The following KDM7A variants were observed in gnomAD, a reference collection of about 807,000 sequenced individuals.
The protein encoded by KDM7A is lysine-specific demethylase 7A.
A neutral mutation model predicts 114.8 loss-of-function variants in KDM7A; 28 were observed. The ratio of observed to expected loss-of-function variants is 0.24; its 90% CI spans 0.18 to 0.33. KDM7A has a LOEUF of 0.33. KDM7A is among the 10% of genes least tolerant of loss of function. The pLI, the probability that KDM7A is intolerant of heterozygous loss-of-function variation, is 1.00. For missense variants in KDM7A, 942 were observed against 1,142.5 expected (o/e 0.82, Z 2.53); for synonymous variants, 423 against 397.8 (o/e 1.06, Z -0.75).
chr7:140,157,426 G>A (rs947015141), intron 1 of KDM7A, among the ~76,000 whole-genome samples: 46 of 152,238 alleles, frequency 3.0e-4, no homozygotes, highest in African/African-American at 1.0e-3. Context: ...GCCGAGGTGG[G>A]AGGGTCGCCT....
At position 140,106,136 on chromosome 7, in the gene KDM7A, T is replaced by TCC. The variant is rs1818335041; in HGVS notation, c.1429-3978_1429-3977dup. Among the ~76,000 whole-genome samples, 3 of 152,228 alleles carry TCC rather than the reference T, an allele frequency of 2.0e-5. No individual in the cohort carries two copies. In the South Asian group the frequency reaches 6.2e-4, roughly 31 times the overall value. The stretch of plus-strand genomic sequence containing the variant: ...TATTTCTGTGGGATCGGTGGTGATA[T>TCC]CCCCTTTATCATTTTTTATTGCATC... On this transcript the variant is annotated intron_variant, in intron 11 of 19. Coordinates refer to ENST00000397560, the MANE Select transcript of KDM7A (RefSeq NM_030647.2).
At chr7:140,125,334 T>C (rs1818681763) in intron 6 of KDM7A, among the ~76,000 whole-genome samples, 1 of 152,218 alleles carries the variant, frequency 6.6e-6, no homozygotes, top group Admixed American at 6.5e-5. Context: ...TACTCTCCAA[T>C]ACAACTTTCT....
chr7:140,114,514 G>A (rs1449403475), intron 9 of KDM7A, among the ~76,000 whole-genome samples: 6 of 150,308 alleles, frequency 4.0e-5, no homozygotes, highest in East Asian at 1.9e-4. Context: ...ATCTCGGCTC[G>A]CTACAACCTC....
chr7:140,168,487 G>A (rs967898064), intron 1 of KDM7A, among the ~76,000 whole-genome samples: 36 of 151,894 alleles, frequency 2.4e-4, no homozygotes, highest in African/African-American at 8.7e-4. Flanking sequence ...AGGATCACCT[G>A]AGCCTGAGAG....
rs1049927125 is a variant in KDM7A, at chr7:140,090,058, T to C, written c.*1036A>G. The stretch of plus-strand genomic sequence containing the variant: ...TCTGCAGCAGGTGCCAGTCCTGTTG[T>C]CCAACAGCAGCAGTACGAAGAAGGC... On this transcript the variant is annotated 3_prime_UTR_variant, in exon 20 of 20. Transcript: ENST00000397560. The C allele has an allele frequency of 6.6e-6, 1 of 152,182 alleles. No homozygotes were observed. Among genetic ancestry groups the C allele is most frequent in the East Asian group, 1.9e-4 (1 of 5,202 alleles). The allele number at this position is 152,182 out of a possible 1,614,324, so 9.4% of individuals were successfully genotyped here.
intron 9 of KDM7A, among the ~76,000 whole-genome samples, chr7:140,116,885 T>C (rs986870048): frequency 2.6e-5 from 4 of 152,206 alleles, no homozygotes; most frequent in Non-Finnish European, 5.9e-5. Context: ...TGTTTTACTA[T>C]CACTGACATG....
chr7:140,129,517 C>G lies in KDM7A; in HGVS notation c.535G>C (p.Val179Leu). ...CCTACATAACGTTCCACATCCATCA[C>G]AGAAAATGTAGGTGAAGGGAGCCTG... Reference protein sequence around the residue: ...GLRLPSPTFSVMDVERYVGGD... With the variant: ...GLRLPSPTFSLMDVERYVGGD... The change falls in exon 4 of 20, where the codon GTG (valine) becomes CTG (leucine). Residue 179 changes from valine (V) to leucine (L), a missense_variant. Val to Leu is a conservative substitution (Grantham distance 32, BLOSUM62 1). This residue lies in a region of KDM7A where 318 missense variants were observed against 453.1 expected (regional missense o/e 0.70). Transcript: ENST00000397560. 1 of 1,613,682 alleles carries G rather than the reference C, an allele frequency of 6.2e-7. No individual in the cohort carries two copies. Among genetic ancestry groups the G allele is most frequent in the Non-Finnish European group, 8.5e-7 (1 of 1,179,722 alleles).
chr7:140,146,923 T>A (rs1390517516), intron 1 of KDM7A, among the ~76,000 whole-genome samples: 1 of 152,174 alleles, frequency 6.6e-6, no homozygotes, highest in East Asian at 1.9e-4. Context: ...TCTCTACTCT[T>A]GGTGTTAGAA....
At position 140,086,597 on chromosome 7, in the gene KDM7A, T is replaced by A. The variant is rs536045754; in HGVS notation, c.*4497A>T. On this transcript the variant is annotated 3_prime_UTR_variant, in exon 20 of 20. Coordinates refer to ENST00000397560, the MANE Select transcript of KDM7A (RefSeq NM_030647.2). The stretch of plus-strand genomic sequence containing the variant: ...TACATTACGTTCAACAGCAACAGAA[T>A]GAGAAAATTAATTCTTCCCCTTTCT... The A allele has an allele frequency of 5.3e-5, 8 of 152,286 alleles. No individual in the cohort carries two copies. Among genetic ancestry groups the A allele is most frequent in the Non-Finnish European group, 1.2e-4 (8 of 68,014 alleles). 9.4% of individuals were successfully genotyped at this position (152,286 alleles called of 1,614,324 possible).
chr7:140,151,304 A>T (rs1794397807), intron 1 of KDM7A, among the ~76,000 whole-genome samples: 1 of 152,188 alleles, frequency 6.6e-6, no homozygotes, highest in Non-Finnish European at 1.5e-5. Context: ...TAAGCTCCTT[A>T]AAGACATGGG....
chr7:140,171,305 A>G (rs1300031269), intron 1 of KDM7A, among the ~76,000 whole-genome samples: 4 of 79,028 alleles, frequency 5.1e-5, no homozygotes, highest in African/African-American at 3.1e-4. Context: ...CTAAAAATAC[A>G]AAAAAAAAAA....
chr7:140,119,309 A>G, intron 8 of KDM7A, 90 bp from the exon 9 acceptor site: 1 of 658,198 alleles, frequency 1.5e-6, no homozygotes, highest in Non-Finnish European at 2.6e-6. Flanking sequence ...TAACCAGGTC[A>G]TGATATGTAA....
At chr7:140,100,306 A>G (rs1818179971) in intron 12 of KDM7A, among the ~76,000 whole-genome samples, 1 of 152,204 alleles carries the variant, frequency 6.6e-6, no homozygotes, top group South Asian at 2.1e-4. Flanking sequence ...ATTCTTGCAG[A>G]AAGCTGAAAA....
rs1817907824 is a variant in KDM7A, at chr7:140,085,290, C to T, written c.*5804G>A. On this transcript the variant is annotated 3_prime_UTR_variant, in exon 20 of 20. Coordinates refer to ENST00000397560, the MANE Select transcript of KDM7A (RefSeq NM_030647.2). ...CAGTAAGAAAAGTCAGTCAGGCTAG[C>T]AAAACGTTACTACAAAACTAGTAAA... is the stretch of plus-strand genomic sequence containing the variant. 6.6e-6 allele frequency: 1 copy of T among 152,178 alleles called. No homozygotes were observed. The highest frequency in any genetic ancestry group is 1.5e-5 in the Non-Finnish European group (1 of 68,038). The allele number at this position is 152,178 out of a possible 1,614,324, so 9.4% of individuals were successfully genotyped here. A position where few individuals can be genotyped will look rare whatever the true frequency, so the allele number is the denominator to read the frequency against.
At chr7:140,100,679 TAC>T (rs66468911) in intron 12 of KDM7A, among the ~76,000 whole-genome samples, 21,866 of 62,292 alleles carry the variant, frequency 0.35, 2,239 homozygotes, top group Non-Finnish European at 0.41. Context: ...TATATATATA[TAC>T]ATATATACAT....
Position 140,100,679 on chromosome 7 carries a change from T to TATATATATATATATAC in KDM7A, c.1639-657_1639-656insGTATATATATATATAT, listed in dbSNP as rs1192609907. On this transcript the variant is annotated intron_variant, in intron 12 of 19. Coordinates refer to ENST00000397560, the MANE Select transcript of KDM7A (RefSeq NM_030647.2). ...AAAAAGTTATATATATATATATATATACATATATACATATATATATATATA... is the reference window on the plus strand; with the variant it reads ...AAAAAGTTATATATATATATATATATATATATATATATATACACATATATACATATATATATATATA... 1.4e-4 allele frequency among the ~76,000 whole-genome samples: 9 copies of TATATATATATATATAC among 63,980 alleles called. No individual in the cohort carries two copies. In the South Asian group the frequency reaches 2.8e-3, roughly 20 times the overall value. The allele number at this position is 63,980 out of a possible 152,430, so 42.0% of individuals were successfully genotyped here.
chr7:140,110,717 G>A (rs532870721), intron 11 of KDM7A, among the ~76,000 whole-genome samples: 2 of 152,154 alleles, frequency 1.3e-5, no homozygotes, highest in Admixed American at 1.3e-4. Context: ...CTCCATCTCA[G>A]CTTCCCTAGC....
At chr7:140,093,780 C>T (rs1818061118) in intron 18 of KDM7A, among the ~76,000 whole-genome samples, 1 of 152,104 alleles carries the variant, frequency 6.6e-6, no homozygotes, top group Admixed American at 6.5e-5. Flanking sequence ...TCATTCTAAC[C>T]AGATATAACC....
intron 3 of KDM7A, among the ~76,000 whole-genome samples, chr7:140,130,556 G>A (rs905924702): frequency 8.1e-5 from 12 of 148,992 alleles, no homozygotes; most frequent in Admixed American, 2.7e-4. Context: ...GGGAGACGGA[G>A]GTTGCAGTGA....
Sources: allele counts gnomAD v4.1 joint callset (sites outside exome capture counted in the v4.1 genomes callset), GRCh38; gene constraint gnomAD v4.1.1; regional missense constraint gnomAD v4.1.1; transcripts MANE v1.5; gene names NCBI Gene and HGNC (gene_info 2026-07-23, HGNC 2026-07-21).